The following EPHA5 variants were observed in gnomAD, a reference collection of about 807,000 sequenced individuals.
The protein encoded by EPHA5 is EPH receptor A5, also known as ephrin type-A receptor 5.
In EPHA5, 60 loss-of-function variants were observed where a neutral mutation model predicts 105.0. The observed-to-expected ratio is 0.57, with a 90% CI of 0.46 to 0.71. The LOEUF is 0.71. EPHA5 is among the 30% of genes least tolerant of loss of function. EPHA5 has a pLI of 0.00. For synonymous variants in EPHA5, 513 were observed against 449.1 expected, an observed-to-expected ratio of 1.14 and a Z score of -1.80; for missense variants, 1,218 against 1,274.7, an observed-to-expected ratio of 0.96 and a Z score of 0.68.
intron 3 of EPHA5, among the ~76,000 whole-genome samples, chr4:65,576,249 A>G (rs1356891762): frequency 6.6e-6 from 1 of 152,140 alleles, no homozygotes; most frequent in Non-Finnish European, 1.5e-5. Context: ...TTTTGTTCCA[A>G]ACCTTTGGTT....
chr4:65,523,797 G>C (rs952764154), intron 3 of EPHA5, among the ~76,000 whole-genome samples: 3 of 151,816 alleles, frequency 2.0e-5, no homozygotes, highest in African/African-American at 7.2e-5. Context: ...TAAGAGATTT[G>C]AATACATAGG....
At chr4:65,383,787 G>T (rs1473440806) in intron 8 of EPHA5, among the ~76,000 whole-genome samples, 1 of 151,732 alleles carries the variant, frequency 6.6e-6, no homozygotes, top group Non-Finnish European at 1.5e-5. Context: ...TAAGAAAAGG[G>T]GTTGGGGGAA....
intron 8 of EPHA5, among the ~76,000 whole-genome samples, chr4:65,392,088 T>A (rs1326144277): frequency 1.3e-5 from 2 of 152,174 alleles, no homozygotes; most frequent in East Asian, 3.9e-4. Flanking sequence ...CTTCCCACAG[T>A]GGGCAATTAG....
intron 3 of EPHA5, among the ~76,000 whole-genome samples, chr4:65,544,619 A>G (rs1737193860): frequency 6.6e-6 from 1 of 152,086 alleles, no homozygotes; most frequent in African/African-American, 2.4e-5. Context: ...ACGCTTTTAC[A>G]TTGTTGGCAG....
At chr4:65,515,761 G>C (rs561120244) in intron 3 of EPHA5, among the ~76,000 whole-genome samples, 33 of 152,218 alleles carry the variant, frequency 2.2e-4, no homozygotes, top group African/African-American at 6.7e-4. Flanking sequence ...CATTACTTAT[G>C]AGTGTGTCTG....
intron 3 of EPHA5, among the ~76,000 whole-genome samples, chr4:65,572,315 G>A (rs775848114): frequency 3.3e-5 from 5 of 151,990 alleles, no homozygotes; most frequent in Non-Finnish European, 5.9e-5. Flanking sequence ...AATTATTTAT[G>A]ACAATATCAC....
chr4:65,500,745 T>G (rs1347413321), intron 3 of EPHA5, among the ~76,000 whole-genome samples: 1 of 150,394 alleles, frequency 6.6e-6, no homozygotes, highest in Non-Finnish European at 1.5e-5. Flanking sequence ...TTAATATATA[T>G]AATAATTACT....
intron 8 of EPHA5, among the ~76,000 whole-genome samples, chr4:65,398,286 G>A (rs1023091244): frequency 5.9e-5 from 9 of 152,278 alleles, no homozygotes; most frequent in African/African-American, 2.2e-4. Flanking sequence ...TTGGGGTGGT[G>A]CTGACACAGC....
In EPHA5 at chr4:65,321,180, C is replaced by T. The variant is rs1577796341; in HGVS notation, c.*2934G>A. ...CCAATACTGTGAAAGACTCATGCCC[C>T]TTAAGATATTGCTACTGGCAATTAC... On this transcript the variant is annotated 3_prime_UTR_variant, in exon 17 of 17. Transcript: ENST00000613740. 7 of 230,558 alleles carry T rather than the reference C, an allele frequency of 3.0e-5. No individual in the cohort carries two copies. Among genetic ancestry groups the T allele is most frequent in the Admixed American group, 5.7e-5 (1 of 17,596 alleles). The allele number at this position is 230,558 out of a possible 1,614,324, so 14.3% of individuals were successfully genotyped here. A position where few individuals can be genotyped will look rare whatever the true frequency, so the allele number is the denominator to read the frequency against.
chr4:65,607,828 C>A (rs1744383589), intron 2 of EPHA5, among the ~76,000 whole-genome samples: 1 of 152,290 alleles, frequency 6.6e-6, no homozygotes. Flanking sequence ...AATCCCATTA[C>A]TGGGTATATA....
intron 5 of EPHA5, among the ~76,000 whole-genome samples, chr4:65,466,921 G>C (rs1207543844): frequency 6.6e-6 from 1 of 152,124 alleles, no homozygotes; most frequent in African/African-American, 2.4e-5. Context: ...TTCTACACAA[G>C]CCACCCCACT....
chr4:65,368,304 C>A (rs950155275), intron 8 of EPHA5, among the ~76,000 whole-genome samples: 1 of 152,034 alleles, frequency 6.6e-6, no homozygotes, highest in Non-Finnish European at 1.5e-5. Flanking sequence ...GAGTTATGTT[C>A]TTATTCCTGG....
At chr4:65,404,907 A>G (rs1722210223) in intron 7 of EPHA5, among the ~76,000 whole-genome samples, 1 of 152,156 alleles carries the variant, frequency 6.6e-6, no homozygotes, top group Non-Finnish European at 1.5e-5. Context: ...ATGAACCCAG[A>G]TGGGATTTTT....
chr4:65,394,640 T>A (rs1006621807), intron 8 of EPHA5, among the ~76,000 whole-genome samples: 1 of 151,980 alleles, frequency 6.6e-6, no homozygotes, highest in African/African-American at 2.4e-5. Context: ...TCAAGGAAGT[T>A]TTAGACAGTA....
chr4:65,617,895 A>T (rs1211442098), intron 2 of EPHA5, among the ~76,000 whole-genome samples: 1 of 152,196 alleles, frequency 6.6e-6, no homozygotes, highest in Non-Finnish European at 1.5e-5. Context: ...GAAGATTATA[A>T]AATTCTATTA....
At chr4:65,498,334 C>T (rs991414881) in intron 3 of EPHA5, among the ~76,000 whole-genome samples, 6 of 151,770 alleles carry the variant, frequency 4.0e-5, no homozygotes, top group Non-Finnish European at 8.8e-5. Context: ...GGAAAGTTCC[C>T]CTCACCCCAG....
intron 3 of EPHA5, among the ~76,000 whole-genome samples, chr4:65,498,112 A>G (rs1732125970): frequency 6.6e-6 from 1 of 151,994 alleles, no homozygotes. Flanking sequence ...GTTAAAGTGT[A>G]TCCGTACCTT....
chr4:65,336,502 A>C (rs908938009), intron 14 of EPHA5, among the ~76,000 whole-genome samples: 7 of 152,094 alleles, frequency 4.6e-5, no homozygotes, highest in African/African-American at 1.4e-4. Context: ...TTTTCTGAAA[A>C]GTTAATGTCT....
chr4:65,543,270 G>A (rs1226408940), intron 3 of EPHA5, among the ~76,000 whole-genome samples: 2 of 152,064 alleles, frequency 1.3e-5, no homozygotes, highest in Non-Finnish European at 2.9e-5. Flanking sequence ...CAGGAAGAGA[G>A]GAAGTCAAAT....
Sources: gnomAD v4.1 joint callset for allele counts (sites outside exome capture counted in the v4.1 genomes callset) on GRCh38, gnomAD v4.1.1 for gene constraint, MANE v1.5 for transcripts, NCBI Gene and HGNC (gene_info 2026-07-23, HGNC 2026-07-21) for gene names.